The following MAP4K3 variants were observed in gnomAD, a reference collection of about 807,000 sequenced individuals.
The protein encoded by MAP4K3 is MAPK/ERK kinase kinase kinase 3.
MAP4K3 carries 94 observed loss-of-function variants against 143.5 expected under a neutral mutation model. That is an observed-to-expected ratio of 0.65 (90% CI 0.55 to 0.78). MAP4K3 has a LOEUF of 0.78. Among genes scored for constraint, MAP4K3 ranks in the 30% least tolerant of loss-of-function variants. The pLI, the probability that MAP4K3 is intolerant of heterozygous loss-of-function variation, is 0.00. For synonymous variants in MAP4K3, 416 were observed against 347.2 expected (o/e 1.20, Z -2.20); for missense variants, 1,077 against 1,068.1 (o/e 1.01, Z -0.12).
intron 12 of MAP4K3, among the ~76,000 whole-genome samples, chr2:39,316,785 T>C (rs1395765652): frequency 6.6e-6 from 1 of 152,158 alleles, no homozygotes; most frequent in African/African-American, 2.4e-5. Context: ...GCAGAATTGA[T>C]TCTAAAATAG....
intron 18 of MAP4K3, among the ~76,000 whole-genome samples, chr2:39,292,532 G>T (rs1181061417): frequency 6.6e-6 from 1 of 152,180 alleles, no homozygotes; most frequent in Non-Finnish European, 1.5e-5. Flanking sequence ...TTGGTACCTT[G>T]ATCTTGAACT....
intron 1 of MAP4K3, among the ~76,000 whole-genome samples, chr2:39,415,720 G>A (rs1435785624): frequency 6.6e-6 from 1 of 151,408 alleles, no homozygotes; most frequent in Non-Finnish European, 1.5e-5. Context: ...GGAAGGCCGA[G>A]GTGGGTGGAT....
chr2:39,278,316 C>G, intron 24 of MAP4K3, 91 bp downstream of exon 24: 1 of 665,750 alleles, frequency 1.5e-6, no homozygotes, highest in Non-Finnish European at 2.5e-6. Context: ...AAAGAGGCAG[C>G]AAGTCATGAA....
chr2:39,262,199 G>A (rs1680597599), intron 28 of MAP4K3, among the ~76,000 whole-genome samples: 1 of 152,138 alleles, frequency 6.6e-6, no homozygotes, highest in African/African-American at 2.4e-5. Context: ...AGTAAAAGGT[G>A]CAACGGGGGA....
intron 14 of MAP4K3, 100 bp downstream of exon 14, chr2:39,309,361 A>C: frequency 1.2e-6 from 1 of 851,542 alleles, no homozygotes; most frequent in Non-Finnish European, 1.8e-6. Flanking sequence ...GTTTTTGAAA[A>C]TATTAATGAC....
intron 15 of MAP4K3, among the ~76,000 whole-genome samples, chr2:39,306,808 C>T (rs901032554): frequency 1.3e-5 from 2 of 152,204 alleles, no homozygotes; most frequent in African/African-American, 4.8e-5. Context: ...TGACATTAGT[C>T]TTAGTCCCTC....
chr2:39,364,090 T>C (rs1435162740), intron 2 of MAP4K3, among the ~76,000 whole-genome samples: 8 of 151,524 alleles, frequency 5.3e-5, no homozygotes, highest in Admixed American at 4.6e-4. Context: ...GTAGCCACTA[T>C]GGAAAACAGT....
rs569687604 is a variant in MAP4K3 at position 39,419,189 on chromosome 2, A to G, written c.96+17703T>C. ...AACAAAAAGGTATTTCTCATCCAAA[A>G]CAACTAATTTTATCATGTATTAATA... is the stretch of plus-strand genomic sequence containing the variant. On this transcript the variant is annotated intron_variant, in intron 1 of 33. Coordinates refer to ENST00000263881, the MANE Select transcript of MAP4K3 (RefSeq NM_003618.4). Among the ~76,000 whole-genome samples, 15 of 152,290 alleles carry G rather than the reference A, an allele frequency of 9.8e-5. No individual in the cohort carries two copies. The South Asian group carries it at 2.7e-3, about 27-fold the overall frequency.
chr2:39,388,694 G>A (rs1483615500), intron 1 of MAP4K3, among the ~76,000 whole-genome samples: 1 of 152,122 alleles, frequency 6.6e-6, no homozygotes, highest in African/African-American at 2.4e-5. Flanking sequence ...ATCTTCCCTG[G>A]AAATCCATAA....
chr2:39,272,274 T>C lies in MAP4K3; in HGVS notation c.1973+9A>G, dbSNP rs1200027899. On this transcript the variant is annotated intron_variant, in intron 26 of 33. Transcript: ENST00000263881. Reference sequence around the variant, plus strand: ...TAATATCATATTGCCTCTAAGGATGTACCCTTACCTTGGCAGTATTCTGTC... The same window carrying C: ...TAATATCATATTGCCTCTAAGGATGCACCCTTACCTTGGCAGTATTCTGTC... The C allele has an allele frequency of 1.3e-6, 2 of 1,571,906 alleles. No individual in the cohort carries two copies. Among genetic ancestry groups the C allele is most frequent in the African/African-American group, 1.4e-5 (1 of 74,068 alleles).
At chr2:39,338,064 A>C (rs966237889) in intron 4 of MAP4K3, among the ~76,000 whole-genome samples, 3 of 151,844 alleles carry the variant, frequency 2.0e-5, no homozygotes, top group African/African-American at 7.3e-5. Context: ...TGCCCAGCCA[A>C]TTTTTTGCTT....
intron 23 of MAP4K3, among the ~76,000 whole-genome samples, chr2:39,279,160 G>A (rs147125897): frequency 6.6e-6 from 1 of 152,130 alleles, no homozygotes; most frequent in East Asian, 1.9e-4. Flanking sequence ...AAAAGTGCCC[G>A]ATCTGTTTTT....
At chr2:39,433,528 T>C (rs1481730698) in intron 1 of MAP4K3, among the ~76,000 whole-genome samples, 1 of 152,196 alleles carries the variant, frequency 6.6e-6, no homozygotes, top group Non-Finnish European at 1.5e-5. Context: ...ACCTAATTTC[T>C]CCAAGAAAAC....
At position 39,283,574 on chromosome 2, in the gene MAP4K3, T is replaced by A. The variant is rs546066718; in HGVS notation, c.1588-1020A>T. 9.2e-5 allele frequency: 14 copies of A among 152,332 alleles called. No homozygotes were observed. The East Asian group carries it at 2.7e-3, about 29-fold the overall frequency. 9.4% of individuals were successfully genotyped at this position (152,332 alleles called of 1,614,324 possible). ...AACAAATAGTTTCTCCTTGTGTAGA[T>A]AATCTTCACCATGTTTACAATGAGT... On this transcript the variant is annotated intron_variant, in intron 21 of 33. Transcript: ENST00000263881.
rs571819408 is a variant in MAP4K3 at position 39,260,647 on chromosome 2, G to A, written c.2267C>T (p.Thr756Met). 8.1e-6 allele frequency: 13 copies of A among 1,613,960 alleles called. No homozygotes were observed. The highest frequency in any genetic ancestry group is 5.3e-5 in the African/African-American group (4 of 75,006). ...TGAAGAGGTAGAATTTGGATTGACC[G>A]TCTCAAATCGAACCACTTGGTTGAA... ...RDFNQVVRFE[T>M]VNPNSTSSWF... The change falls in exon 29 of 34, where the codon ACG (threonine) becomes ATG (methionine). Residue 756 changes from threonine to methionine, a missense_variant. By Grantham distance (81) the Thr-to-Met change is moderately conservative. Coordinates refer to ENST00000263881, the MANE Select transcript of MAP4K3 (RefSeq NM_003618.4).
rs754185204 is a variant in MAP4K3, at chr2:39,337,625, T to C, written c.311-44A>G. On this transcript the variant is annotated intron_variant, in intron 4 of 33. Transcript: ENST00000263881. Reference sequence around the variant, plus strand: ...AATACTCATAAAATTAGTCAACGCATGTTTTTCAATATATAATAAAGTTTT... The same window carrying C: ...AATACTCATAAAATTAGTCAACGCACGTTTTTCAATATATAATAAAGTTTT... 3.9e-6 allele frequency: 5 copies of C among 1,276,912 alleles called. No homozygotes were observed. In the East Asian group the frequency reaches 9.3e-5, roughly 24 times the overall value. The allele number at this position is 1,276,912 out of a possible 1,614,324, so 79.1% of individuals were successfully genotyped here.
chr2:39,365,597 A>G (rs1241829597), intron 2 of MAP4K3, among the ~76,000 whole-genome samples: 2 of 150,904 alleles, frequency 1.3e-5, no homozygotes, highest in East Asian at 3.9e-4. Context: ...GGCGCCCGCC[A>G]CCGCGCCCGG....
chr2:39,337,957 C>T (rs753519877), intron 4 of MAP4K3, among the ~76,000 whole-genome samples: 32 of 151,684 alleles, frequency 2.1e-4, no homozygotes, highest in Non-Finnish European at 1.5e-5. Flanking sequence ...GAGATGGGGT[C>T]TCATTATCTT....
chr2:39,282,528 T>G lies in MAP4K3; in HGVS notation c.1614A>C (p.Pro538=), dbSNP rs780565321. ...TAGTACTTACATGCACTTTAGGTGT[T>G]GGAGGAAGACCATTACTAATAGGCT... ...VPKPISNGLP[P]TPKVHMGACF... is the part of the protein sequence containing the mutation. Residue 538 remains proline (P), a synonymous_variant, in exon 22 of 34, where the codon CCA becomes CCC. Transcript: ENST00000263881. 6.2e-7 allele frequency: 1 copy of G among 1,611,962 alleles called. No homozygotes were observed. The highest frequency in any genetic ancestry group is 1.7e-5 in the Admixed American group (1 of 59,808).
Sources: gnomAD v4.1 joint callset for allele counts (sites outside exome capture counted in the v4.1 genomes callset) on GRCh38, gnomAD v4.1.1 for gene constraint, MANE v1.5 for transcripts, NCBI Gene and HGNC (gene_info 2026-07-23, HGNC 2026-07-21) for gene names.